KCNQ1OT1: variants seen among roughly 807,000 people sequenced by gnomAD.
KCNQ1OT1 encodes the protein KCNQ1 antisense RNA 2 (non-protein coding).
At position 2,620,625 on chromosome 11, in the gene KCNQ1OT1, G is replaced by C; in HGVS notation, n.79370C>G. 2.5e-6 allele frequency: 1 copy of C among 397,874 alleles called. No individual in the cohort carries two copies. Among genetic ancestry groups the C allele is most frequent in the Non-Finnish European group, 4.4e-6 (1 of 225,976 alleles). The allele number at this position is 397,874 out of a possible 1,614,324, so 24.6% of individuals were successfully genotyped here. ...TCTAAGTGGATTCCATGTCTTTGCT[G>C]TTGTGAATAGTGCTGTGATGAACAT... On this transcript the variant is annotated non_coding_transcript_exon_variant, in exon 1 of 1. Coordinates refer to ENST00000597346, the Ensembl canonical transcript of KCNQ1OT1. This position sits in a 1 kb window ranked among gnomAD's most constrained non-coding sequence, Gnocchi z 4.5.
At chr11:2,660,400 G>A (rs980109323) in exon 1 of KCNQ1OT1, 2 of 398,364 alleles carry the variant, frequency 5.0e-6, no homozygotes, top group Non-Finnish European at 8.8e-6. Flanking sequence ...TTTTTATAAA[G>A]CAAAAGATGT....
At position 2,659,868 on chromosome 11, in the gene KCNQ1OT1, A is replaced by G. The variant is rs1465420038; in HGVS notation, n.40127T>C. ...TGTATCTTTTCATGTGCTTATTTATAATCCATTTTTAAAATTGGATTGTTC... is the reference window on the plus strand; with the variant it reads ...TGTATCTTTTCATGTGCTTATTTATGATCCATTTTTAAAATTGGATTGTTC... On this transcript the variant is annotated non_coding_transcript_exon_variant, in exon 1 of 1. Coordinates refer to ENST00000597346, the Ensembl canonical transcript of KCNQ1OT1. The surrounding 1 kb of genome is among the most constrained non-coding windows in gnomAD (Gnocchi z 4.3). 2.5e-6 allele frequency: 1 copy of G among 398,294 alleles called. No individual in the cohort carries two copies. Among genetic ancestry groups the G allele is most frequent in the Non-Finnish European group, 4.4e-6 (1 of 225,972 alleles). 24.7% of individuals were successfully genotyped at this position (398,294 alleles called of 1,614,324 possible).
exon 1 of KCNQ1OT1, chr11:2,630,484 C>T (rs1589991994): frequency 2.5e-6 from 1 of 398,192 alleles, no homozygotes; most frequent in East Asian, 3.6e-5. Context: ...CTTATACTTC[C>T]CCCGCTACAT....
exon 1 of KCNQ1OT1, chr11:2,684,047 T>G (rs1344177747): frequency 7.5e-6 from 3 of 398,556 alleles, no homozygotes; most frequent in African/African-American, 6.2e-5. Context: ...TCCCCCTTTA[T>G]CAAGACATTG....
At chr11:2,633,795 G>T in exon 1 of KCNQ1OT1, 1 of 398,494 alleles carries the variant, frequency 2.5e-6, no homozygotes, top group Non-Finnish European at 4.4e-6. Context: ...TTGCTTCCGA[G>T]ACCCCCTGTA....
chr11:2,652,013 G>T lies in KCNQ1OT1; in HGVS notation n.47982C>A, dbSNP rs1322263466. On this transcript the variant is annotated non_coding_transcript_exon_variant, in exon 1 of 1. Transcript: ENST00000597346. The surrounding 1 kb of genome is among the most constrained non-coding windows in gnomAD (Gnocchi z 5.9). Reference sequence around the variant, plus strand: ...CATCAGTTGTTAACATAATTTTGATGTTGAGCCTCCCCCCAGTTCTGGGGT... The same window carrying T: ...CATCAGTTGTTAACATAATTTTGATTTTGAGCCTCCCCCCAGTTCTGGGGT... 2 of 398,538 alleles carry T rather than the reference G, an allele frequency of 5.0e-6. No homozygotes were observed. Among genetic ancestry groups the T allele is most frequent in the Non-Finnish European group, 4.4e-6 (1 of 226,090 alleles). 24.7% of individuals were successfully genotyped at this position (398,538 alleles called of 1,614,324 possible).
rs538690738 is a variant in KCNQ1OT1, at chr11:2,689,685, G to C, written n.10310C>G. Reference sequence around the variant, plus strand: ...TGAGAGGGCCAGGGCAGAGTGAGTAGCTGCAGGGGCAGCTGTCCTTTGCAC... The same window carrying C: ...TGAGAGGGCCAGGGCAGAGTGAGTACCTGCAGGGGCAGCTGTCCTTTGCAC... On this transcript the variant is annotated non_coding_transcript_exon_variant, in exon 1 of 1. Coordinates refer to ENST00000597346, the Ensembl canonical transcript of KCNQ1OT1. The C allele has an allele frequency of 7.2e-4, 288 of 398,666 alleles. No individual in the cohort carries two copies. The highest frequency in any genetic ancestry group is 2.4e-3 in the South Asian group (19 of 7,858). 24.7% of individuals were successfully genotyped at this position (398,666 alleles called of 1,614,324 possible). A position where few individuals can be genotyped will look rare whatever the true frequency, so the allele number is the denominator to read the frequency against.
exon 1 of KCNQ1OT1, chr11:2,665,793 G>A: frequency 2.5e-6 from 1 of 398,666 alleles, no homozygotes; most frequent in African/African-American, 2.1e-5. Context: ...CCCTGCCTAA[G>A]ATGAAGCAAG....
chr11:2,656,411 C>G (rs568848594), exon 1 of KCNQ1OT1: 2 of 398,664 alleles, frequency 5.0e-6, no homozygotes, highest in Non-Finnish European at 8.8e-6. Flanking sequence ...AGAGCCCTTT[C>G]ACTCTGAGCC....
exon 1 of KCNQ1OT1, chr11:2,641,812 A>G (rs1225848621): frequency 2.5e-6 from 1 of 398,294 alleles, no homozygotes; most frequent in Non-Finnish European, 4.4e-6. Flanking sequence ...AGTTGATTTT[A>G]GTATAGCAAG....
In KCNQ1OT1 at chr11:2,620,211, ATTTT is replaced by A. The variant is rs1312458170; in HGVS notation, n.79780_79783del. The A allele has an allele frequency of 2.7e-5, 7 of 261,922 alleles. No homozygotes were observed. The highest frequency in any genetic ancestry group is 2.5e-4 in the East Asian group (4 of 16,146). The allele number at this position is 261,922 out of a possible 1,614,324, so 16.2% of individuals were successfully genotyped here. A position where few individuals can be genotyped will look rare whatever the true frequency, so the allele number is the denominator to read the frequency against. The stretch of plus-strand genomic sequence containing the variant: ...TAAGTTCATTCATGTATATATATAT[ATTTT>A]TTTTTTTTATTTTTTTTTTAGACGG... On this transcript the variant is annotated non_coding_transcript_exon_variant, in exon 1 of 1. Coordinates refer to ENST00000597346, the Ensembl canonical transcript of KCNQ1OT1. This position sits in a 1 kb window ranked among gnomAD's most constrained non-coding sequence, Gnocchi z 4.5.
chr11:2,674,579 G>A lies in KCNQ1OT1; in HGVS notation n.25416C>T, dbSNP rs1288249918. On this transcript the variant is annotated non_coding_transcript_exon_variant, in exon 1 of 1. Transcript: ENST00000597346. The surrounding 1 kb of genome is among the most constrained non-coding windows in gnomAD (Gnocchi z 5.9). ...GAGTGAGTGAATCTGAAGCATGCTA[G>A]TTGTGTTGCCTTTTAAATAGGCTCT... 1 of 398,532 alleles carries A rather than the reference G, an allele frequency of 2.5e-6. No homozygotes were observed. The highest frequency in any genetic ancestry group is 3.6e-5 in the East Asian group (1 of 28,078). The allele number at this position is 398,532 out of a possible 1,614,324, so 24.7% of individuals were successfully genotyped here.
At chr11:2,628,770 T>TTA (rs1849303226) in exon 1 of KCNQ1OT1, 1 of 398,300 alleles carries the variant, frequency 2.5e-6, no homozygotes, top group Admixed American at 4.4e-5. Context: ...GGTCATATGT[T>TTA]TAAATCTTAT....
In KCNQ1OT1 at chr11:2,627,486, T is replaced by C; in HGVS notation, n.72509A>G. The C allele has an allele frequency of 5.0e-6, 2 of 398,544 alleles. No individual in the cohort carries two copies. 24.7% of individuals were successfully genotyped at this position (398,544 alleles called of 1,614,324 possible). On this transcript the variant is annotated non_coding_transcript_exon_variant, in exon 1 of 1. Transcript: ENST00000597346. The surrounding 1 kb of genome is among the most constrained non-coding windows in gnomAD (Gnocchi z 4.9). ...ACTCCCTGACCCCTAGTAACCACCC[T>C]TCTACTCTCCGTTTCTCTGAGTTCA...
chr11:2,656,054 G>A (rs1849841336), exon 1 of KCNQ1OT1: 1 of 398,518 alleles, frequency 2.5e-6, no homozygotes, highest in South Asian at 1.3e-4. Flanking sequence ...CTCACCCTTG[G>A]CCCTCAGGCT....
exon 1 of KCNQ1OT1, chr11:2,619,617 T>C (rs902079461): frequency 6.3e-5 from 25 of 398,488 alleles, no homozygotes; most frequent in Non-Finnish European, 8.8e-5. Flanking sequence ...TATGTTGGCC[T>C]GTAGTTTCCT....
rs1047649712 is a variant in KCNQ1OT1 at position 2,683,323 on chromosome 11, T to TC, written n.16671dup. The TC allele has an allele frequency of 2.5e-6, 1 of 398,412 alleles. No individual in the cohort carries two copies. The highest frequency in any genetic ancestry group is 4.4e-6 in the Non-Finnish European group (1 of 226,004). The allele number at this position is 398,412 out of a possible 1,614,324, so 24.7% of individuals were successfully genotyped here. A position where few individuals can be genotyped will look rare whatever the true frequency, so the allele number is the denominator to read the frequency against. The stretch of plus-strand genomic sequence containing the variant: ...AAACCAGACACATAGAGGCCAGGTT[T>TC]CCCCCGCTCAACACTAGGCCACTGT... On this transcript the variant is annotated non_coding_transcript_exon_variant, in exon 1 of 1. Transcript: ENST00000597346. This position sits in a 1 kb window ranked among gnomAD's most constrained non-coding sequence, Gnocchi z 4.7.
exon 1 of KCNQ1OT1, chr11:2,672,829 C>G (rs2133870310): frequency 2.5e-6 from 1 of 398,852 alleles, no homozygotes; most frequent in South Asian, 1.3e-4. Context: ...GACCCCAACT[C>G]TGGGTTCTGC....
rs1178208392 is a variant in KCNQ1OT1 at position 2,698,389 on chromosome 11, G to C, written n.1606C>G. On this transcript the variant is annotated non_coding_transcript_exon_variant, in exon 1 of 1. Coordinates refer to ENST00000597346, the Ensembl canonical transcript of KCNQ1OT1. This position sits in a 1 kb window ranked among gnomAD's most constrained non-coding sequence, Gnocchi z 5.1. ...TTTGACCTGCTCAGGGACCACAGTG[G>C]GGTACTGGGATCTGAACATAGTGGT... is the stretch of plus-strand genomic sequence containing the variant. 2.5e-6 allele frequency: 1 copy of C among 398,282 alleles called. No homozygotes were observed. The highest frequency in any genetic ancestry group is 3.6e-5 in the East Asian group (1 of 28,076). The allele number at this position is 398,282 out of a possible 1,614,324, so 24.7% of individuals were successfully genotyped here. A position where few individuals can be genotyped will look rare whatever the true frequency, so the allele number is the denominator to read the frequency against.
Sources: allele counts gnomAD v4.1 joint callset, GRCh38; gene constraint gnomAD v4.1.1; non-coding constraint Gnocchi (gnomAD v3.1); transcripts MANE v1.5; gene names NCBI Gene and HGNC (gene_info 2026-07-23, HGNC 2026-07-21).